SYBU: variants seen among roughly 807,000 people sequenced by gnomAD.
SYBU encodes syntabulin.
Under a neutral mutation model 35.9 loss-of-function variants are expected in SYBU, and 21 were observed. The observed-to-expected ratio is 0.58, with a 90% confidence interval of 0.41 to 0.84. SYBU has a LOEUF of 0.84. Among genes scored for constraint, SYBU ranks in the 40% least tolerant of loss-of-function variants. The pLI is 0.00. For synonymous variants in SYBU, 319 were observed against 324.3 expected, an observed-to-expected ratio of 0.98 and a Z score of 0.18; for missense variants, 768 against 848.2, an observed-to-expected ratio of 0.91 and a Z score of 1.17.
At chr8:109,611,443 T>C (rs1012835289) in intron 3 of SYBU, among the ~76,000 whole-genome samples, 1 of 130,532 alleles carries the variant, frequency 7.7e-6, no homozygotes, top group Non-Finnish European at 1.6e-5. Context: ...GCCATAAAGA[T>C]AAACACTAAG....
chr8:109,678,047 T>C (rs1445902170), intron 1 of SYBU, among the ~76,000 whole-genome samples: 1 of 138,410 alleles, frequency 7.2e-6, no homozygotes, highest in Non-Finnish European at 1.5e-5. Context: ...GGCAGGAGAA[T>C]CACTTGAACC....
intron 2 of SYBU, among the ~76,000 whole-genome samples, chr8:109,620,869 A>T (rs1054780903): frequency 1.3e-5 from 2 of 152,106 alleles, no homozygotes; most frequent in African/African-American, 4.8e-5. Context: ...TAAAGGTGTA[A>T]AGTTGCTAAT....
At chr8:109,612,329 G>A (rs1811264693) in intron 3 of SYBU, among the ~76,000 whole-genome samples, 1 of 152,136 alleles carries the variant, frequency 6.6e-6, no homozygotes, top group African/African-American at 2.4e-5. Context: ...TACATCTAAT[G>A]TATCCTTCCA....
At chr8:109,659,795 T>C (rs146484460) in intron 1 of SYBU, among the ~76,000 whole-genome samples, 2,188 of 152,266 alleles carry the variant, frequency 0.014, 49 homozygotes, top group African/African-American at 0.05. Flanking sequence ...TGAGTATTAG[T>C]AGGGGAAAAT....
chr8:109,650,400 C>CTT (rs1377715798), intron 1 of SYBU, among the ~76,000 whole-genome samples: 1 of 152,136 alleles, frequency 6.6e-6, no homozygotes, highest in Non-Finnish European at 1.5e-5. Context: ...AAGAGGAAGA[C>CTT]TTTGAGTGTC....
At chr8:109,602,724 C>A (rs1238879895) in intron 3 of SYBU, among the ~76,000 whole-genome samples, 1 of 152,110 alleles carries the variant, frequency 6.6e-6, no homozygotes, top group African/African-American at 2.4e-5. Flanking sequence ...TCTGTGTAAT[C>A]TTTCATGTAA....
intron 2 of SYBU, among the ~76,000 whole-genome samples, chr8:109,638,475 G>T (rs901951318): frequency 6.6e-6 from 1 of 152,024 alleles, no homozygotes; most frequent in Non-Finnish European, 1.5e-5. Context: ...AGAAACATGG[G>T]GGAGAAAAGA....
intron 3 of SYBU, among the ~76,000 whole-genome samples, chr8:109,595,224 A>G (rs1824729845): frequency 6.6e-6 from 1 of 152,220 alleles, no homozygotes; most frequent in South Asian, 2.1e-4. Flanking sequence ...GTGAGTGGCA[A>G]GAAAGGATTC....
intron 3 of SYBU, among the ~76,000 whole-genome samples, chr8:109,618,002 T>C (rs935251090): frequency 6.6e-6 from 1 of 152,224 alleles, no homozygotes; most frequent in East Asian, 1.9e-4. Context: ...TGCACAATAA[T>C]GTCATCACCA....
chr8:109,604,389 T>A (rs1179714404), intron 3 of SYBU, among the ~76,000 whole-genome samples: 1 of 152,216 alleles, frequency 6.6e-6, no homozygotes, highest in African/African-American at 2.4e-5. Flanking sequence ...AACATGGTCA[T>A]CCTCTGGGCT....
At chr8:109,629,330 C>T (rs1386626941) in intron 2 of SYBU, among the ~76,000 whole-genome samples, 1 of 152,204 alleles carries the variant, frequency 6.6e-6, no homozygotes, top group Non-Finnish European at 1.5e-5. Flanking sequence ...CTGTTCTAAA[C>T]ACTTCACTTC....
intron 1 of SYBU, among the ~76,000 whole-genome samples, chr8:109,652,898 G>C (rs570122007): frequency 8.5e-5 from 13 of 152,216 alleles, no homozygotes; most frequent in African/African-American, 2.6e-4. Flanking sequence ...TCTGTATCTT[G>C]GTATTCTTAT....
At chr8:109,643,767 T>C in intron 1 of SYBU, 1 of 308,778 alleles carries the variant, frequency 3.2e-6, no homozygotes, top group Non-Finnish European at 6.3e-6. Flanking sequence ...AGACTGTACA[T>C]AGAGAGCACA....
At chr8:109,643,853 T>A (rs866054836) in intron 1 of SYBU, among the ~76,000 whole-genome samples, 1 of 152,204 alleles carries the variant, frequency 6.6e-6, no homozygotes, top group Admixed American at 6.5e-5. Context: ...CTGCACACCA[T>A]GCCAGAAGTA....
chr8:109,670,902 T>C (rs1346920424), intron 1 of SYBU, among the ~76,000 whole-genome samples: 1 of 151,738 alleles, frequency 6.6e-6, no homozygotes, highest in Non-Finnish European at 1.5e-5. Flanking sequence ...AGAGTTAGAA[T>C]GGAAGAGAGA....
intron 1 of SYBU, among the ~76,000 whole-genome samples, chr8:109,667,173 G>A (rs1438086049): frequency 6.6e-6 from 1 of 152,108 alleles, no homozygotes; most frequent in African/African-American, 2.4e-5. Flanking sequence ...CTGGAGTGCA[G>A]TGGTGTGATC....
At chr8:109,667,098 A>T (rs936281883) in intron 1 of SYBU, among the ~76,000 whole-genome samples, 1 of 152,142 alleles carries the variant, frequency 6.6e-6, no homozygotes, top group African/African-American at 2.4e-5. Flanking sequence ...TACTAAAATT[A>T]TTGTTATTAC....
intron 1 of SYBU, among the ~76,000 whole-genome samples, chr8:109,690,076 AT>A (rs1347736833): frequency 6.6e-6 from 1 of 152,218 alleles, no homozygotes; most frequent in Admixed American, 6.5e-5. Flanking sequence ...ATAAAATATT[AT>A]TTAAATATGT....
upstream of SYBU, among the ~76,000 whole-genome samples, chr8:109,684,131 T>C (rs1018745730): frequency 6.6e-6 from 1 of 152,254 alleles, no homozygotes; most frequent in African/African-American, 2.4e-5. Context: ...TTGTCTTTGG[T>C]GTTTTCCAAT....
Sources: allele counts gnomAD v4.1 joint callset (sites outside exome capture counted in the v4.1 genomes callset), GRCh38; gene constraint gnomAD v4.1.1; transcripts MANE v1.5; gene names NCBI Gene and HGNC (gene_info 2026-07-23, HGNC 2026-07-21).